TNKS: variants seen among roughly 807,000 people sequenced by gnomAD.
TNKS encodes the protein tankyrase, also known as poly [ADP-ribose] polymerase tankyrase-1.
A neutral mutation model predicts 135.8 loss-of-function variants in TNKS; 72 were observed. That is an observed-to-expected ratio of 0.53 (90% CI 0.44 to 0.64). The LOEUF is 0.64. Among genes scored for constraint, TNKS ranks in the 30% least tolerant of loss-of-function variants. The pLI is 0.00. For synonymous variants in TNKS, 849 were observed against 649.3 expected (o/e 1.31, Z -4.68); for missense variants, 1,769 against 1,674.0 (o/e 1.06, Z -0.99).
At chr8:9,707,187 G>A (rs1048765953) in intron 8 of TNKS, among the ~76,000 whole-genome samples, 190 bp downstream of exon 8, 2 of 151,978 alleles carry the variant, frequency 1.3e-5, no homozygotes, top group Non-Finnish European at 2.9e-5. Flanking sequence ...TGTATATATT[G>A]TATTTATTCG....
chr8:9,687,097 T>C (rs1179004303), intron 5 of TNKS, among the ~76,000 whole-genome samples: 2 of 152,146 alleles, frequency 1.3e-5, no homozygotes, highest in Non-Finnish European at 2.9e-5. Context: ...AAGGAAGTGT[T>C]AGCATTACCT....
intron 3 of TNKS, among the ~76,000 whole-genome samples, chr8:9,643,867 A>C (rs1284706618): frequency 6.6e-6 from 1 of 152,202 alleles, no homozygotes; most frequent in African/African-American, 2.4e-5. Context: ...GGTAAAAGCA[A>C]CCCAGGTGTC....
chr8:9,600,504 G>T (rs962329579), intron 2 of TNKS, among the ~76,000 whole-genome samples: 1 of 152,026 alleles, frequency 6.6e-6, no homozygotes, highest in African/African-American at 2.4e-5. Context: ...TGTAGAGACA[G>T]GTCTCGCCAT....
At chr8:9,695,013 A>G (rs1484782737) in intron 5 of TNKS, among the ~76,000 whole-genome samples, 1 of 152,174 alleles carries the variant, frequency 6.6e-6, no homozygotes, top group Non-Finnish European at 1.5e-5. Context: ...ACCTTTTCTT[A>G]TGTACCCAGC....
intron 2 of TNKS, among the ~76,000 whole-genome samples, chr8:9,584,414 A>G (rs962966421): frequency 6.6e-6 from 1 of 152,166 alleles, no homozygotes; most frequent in East Asian, 1.9e-4. Flanking sequence ...TGAATACAAA[A>G]TCTTAGCTAT....
At chr8:9,582,635 C>G (rs543495084) in intron 2 of TNKS, among the ~76,000 whole-genome samples, 2 of 152,180 alleles carry the variant, frequency 1.3e-5, no homozygotes, top group Non-Finnish European at 2.9e-5. Context: ...TTCTTGGCCT[C>G]TGTCTTTCCT....
chr8:9,617,387 C>T (rs1799686284), intron 3 of TNKS, among the ~76,000 whole-genome samples: 1 of 152,142 alleles, frequency 6.6e-6, no homozygotes, highest in African/African-American at 2.4e-5. Context: ...TTGTTCTTTT[C>T]AAGAATATCT....
At chr8:9,771,598 GAA>G (rs1339394324) in intron 26 of TNKS, among the ~76,000 whole-genome samples, 1 of 125,832 alleles carries the variant, frequency 7.9e-6, no homozygotes, top group African/African-American at 3.1e-5. Context: ...GGAGAGGAAA[GAA>G]AGAAGGGAGG....
intron 3 of TNKS, among the ~76,000 whole-genome samples, chr8:9,641,847 C>A (rs977257722): frequency 1.4e-5 from 2 of 146,102 alleles, no homozygotes; most frequent in African/African-American, 5.1e-5. Context: ...AAGTCGTTTT[C>A]TGTAAGATAT....
intron 2 of TNKS, among the ~76,000 whole-genome samples, chr8:9,598,632 G>T (rs1000201187): frequency 4.8e-4 from 72 of 150,776 alleles, no homozygotes; most frequent in African/African-American, 1.7e-3. Context: ...TGATGCGGAG[G>T]TTGCAGTGAG....
At chr8:9,581,055 T>G (rs1403690133) in intron 2 of TNKS, among the ~76,000 whole-genome samples, 1 of 152,180 alleles carries the variant, frequency 6.6e-6, no homozygotes, top group Non-Finnish European at 1.5e-5. Flanking sequence ...GTATCATCTG[T>G]TTTTTGATAC....
intron 3 of TNKS, among the ~76,000 whole-genome samples, chr8:9,630,075 G>A (rs749088111): frequency 6.6e-6 from 1 of 152,134 alleles, no homozygotes; most frequent in East Asian, 1.9e-4. Flanking sequence ...ATCTAGTCCA[G>A]CCACCAGTCA....
intron 1 of TNKS, among the ~76,000 whole-genome samples, chr8:9,572,578 G>A (rs185028448): frequency 6.0e-4 from 91 of 152,072 alleles, no homozygotes; most frequent in Non-Finnish European, 1.2e-3. Context: ...TAGCAGATAC[G>A]TTTTCTCCAT....
chr8:9,589,753 G>T (rs1057096572), intron 2 of TNKS, among the ~76,000 whole-genome samples: 7 of 152,260 alleles, frequency 4.6e-5, no homozygotes, highest in African/African-American at 1.7e-4. Flanking sequence ...AAGTAAAAAT[G>T]AGCTTGATTT....
intron 21 of TNKS, among the ~76,000 whole-genome samples, chr8:9,761,988 C>T (rs183779309): frequency 1.3e-5 from 2 of 152,336 alleles, no homozygotes; most frequent in East Asian, 3.9e-4. Flanking sequence ...CTTCCAGTAC[C>T]TTCTCTACAA....
intron 3 of TNKS, among the ~76,000 whole-genome samples, chr8:9,660,857 TCTC>T (rs1801672659): frequency 6.6e-6 from 1 of 152,020 alleles, no homozygotes; most frequent in Non-Finnish European, 1.5e-5. Flanking sequence ...CAGCCCAAAA[TCTC>T]CTTAAGCTGA....
At chr8:9,767,954 G>A (rs796330682) in intron 25 of TNKS, among the ~76,000 whole-genome samples, 21 of 126,808 alleles carry the variant, frequency 1.7e-4, no homozygotes, top group African/African-American at 4.3e-4. Flanking sequence ...GAGAGACTCC[G>A]TCTCAAAAAA....
intron 21 of TNKS, among the ~76,000 whole-genome samples, chr8:9,762,577 C>T (rs969783381): frequency 1.3e-5 from 2 of 151,908 alleles, no homozygotes; most frequent in African/African-American, 2.4e-5. Context: ...ATTTGTTGAA[C>T]TCTGCAGTCT....
At chr8:9,738,971 C>T (rs942084907) in intron 17 of TNKS, among the ~76,000 whole-genome samples, 3 of 151,850 alleles carry the variant, frequency 2.0e-5, no homozygotes, top group Admixed American at 1.3e-4. Flanking sequence ...CTTTCTGTCT[C>T]GTTGATCTGT....
Sources: gnomAD v4.1 joint callset for allele counts (sites outside exome capture counted in the v4.1 genomes callset) on GRCh38, gnomAD v4.1.1 for gene constraint, MANE v1.5 for transcripts, NCBI Gene and HGNC (gene_info 2026-07-23, HGNC 2026-07-21) for gene names.